EIF4G3: variants seen among roughly 807,000 people sequenced by gnomAD.
EIF4G3 encodes the protein eIF-4-gamma 3.
A neutral mutation model predicts 186.4 loss-of-function variants in EIF4G3; 34 were observed. That is an observed-to-expected ratio of 0.18 (90% CI 0.14 to 0.24). EIF4G3 has a LOEUF of 0.24. Ranked by LOEUF, EIF4G3 falls within the 10% of genes least tolerant of loss-of-function variation. The pLI, the probability that EIF4G3 is intolerant of heterozygous loss-of-function variation, is 1.00. For missense variants in EIF4G3, 1,536 were observed against 1,948.5 expected, an observed-to-expected ratio of 0.79 and a Z score of 3.99; for synonymous variants, 673 against 679.5, an observed-to-expected ratio of 0.99 and a Z score of 0.15.
chr1:20,869,062 T>C (rs754275307), intron 20 of EIF4G3, among the ~76,000 whole-genome samples: 3 of 152,136 alleles, frequency 2.0e-5, no homozygotes, highest in African/African-American at 7.2e-5. Flanking sequence ...GTAGTAATTA[T>C]GGTAATCAAA....
intron 4 of EIF4G3, among the ~76,000 whole-genome samples, chr1:21,009,902 C>T (rs997799137): frequency 6.6e-6 from 1 of 152,080 alleles, no homozygotes; most frequent in Non-Finnish European, 1.5e-5. Flanking sequence ...ATCTGCCCGC[C>T]TCGGCCTCCC....
At chr1:20,955,902 T>C (rs1036470309) in intron 12 of EIF4G3, among the ~76,000 whole-genome samples, 1 of 152,158 alleles carries the variant, frequency 6.6e-6, no homozygotes, top group Non-Finnish European at 1.5e-5. Context: ...TTTGAGGTTG[T>C]AGGGCTTGTG....
chr1:20,906,340 T>C (rs2092083377), intron 14 of EIF4G3, among the ~76,000 whole-genome samples: 1 of 152,194 alleles, frequency 6.6e-6, no homozygotes, highest in East Asian at 1.9e-4. Flanking sequence ...GTTTAATGCA[T>C]TTCCTCCAAA....
intron 26 of EIF4G3, 75 bp downstream of exon 26, chr1:20,854,903 A>G: frequency 8.1e-7 from 1 of 1,227,830 alleles, no homozygotes; most frequent in Non-Finnish European, 1.2e-6. Flanking sequence ...CCATCATTCG[A>G]TGACTATGGG....
intron 20 of EIF4G3, among the ~76,000 whole-genome samples, chr1:20,875,212 A>G (rs1428459621): frequency 1.3e-5 from 2 of 152,112 alleles, no homozygotes; most frequent in African/African-American, 4.8e-5. Context: ...TCAAACTCCT[A>G]GGCTCAAGCG....
At position 21,002,033 on chromosome 1, in the gene EIF4G3, G is replaced by A. The variant is rs1277659470; in HGVS notation, c.30+680C>T. On this transcript the variant is annotated intron_variant, in intron 5 of 36. Transcript: ENST00000602326. ...CTTCTAGCCAAAGCTAATCATGCAG[G>A]GCAGGAAACGATGTTCTAAGGAATG... Among the ~76,000 whole-genome samples, 6 of 152,282 alleles carry A rather than the reference G, an allele frequency of 3.9e-5. No homozygotes were observed. In the Middle Eastern group the frequency reaches 0.01, roughly 259 times the overall value.
rs1228394170 is a variant in EIF4G3 at position 21,063,710 on chromosome 1, G to T, written c.-195-12716C>A. 7.2e-4 allele frequency among the ~76,000 whole-genome samples: 27 copies of T among 37,406 alleles called. 2 individuals carry two copies. Among genetic ancestry groups the T allele is most frequent in the Admixed American group, 4.8e-3 (20 of 4,134 alleles). 24.5% of individuals were successfully genotyped at this position (37,406 alleles called of 152,430 possible). On this transcript the variant is annotated intron_variant, in intron 3 of 36. Transcript: ENST00000602326. ...TCCTGTCATACTTTTCATTTTGGGG[G>T]GGGGGGTGTTGGGGGGGGGGACGCA...
chr1:20,927,082 T>C (rs1322830146), intron 14 of EIF4G3, among the ~76,000 whole-genome samples: 1 of 151,628 alleles, frequency 6.6e-6, no homozygotes, highest in Non-Finnish European at 1.5e-5. Flanking sequence ...GTCTCACTGT[T>C]GCCCAGGCTG....
intron 4 of EIF4G3, among the ~76,000 whole-genome samples, chr1:21,023,754 G>A (rs1291437496): frequency 6.8e-6 from 1 of 147,016 alleles, no homozygotes; most frequent in Non-Finnish European, 1.5e-5. Context: ...CTGCCTGGCT[G>A]CCCAGTCTGG....
intron 19 of EIF4G3, among the ~76,000 whole-genome samples, chr1:20,881,354 T>C (rs1413447654): frequency 6.6e-6 from 1 of 152,216 alleles, no homozygotes; most frequent in African/African-American, 2.4e-5. Context: ...CAAAGCTAAA[T>C]GTGAAACCTA....
intron 2 of EIF4G3, among the ~76,000 whole-genome samples, chr1:21,163,524 A>G (rs2097798326): frequency 6.6e-6 from 1 of 152,220 alleles, no homozygotes; most frequent in Non-Finnish European, 1.5e-5. Context: ...GGAGACATGC[A>G]TAATAATTTA....
chr1:21,158,169 C>CTTTTTTT (rs71014163), intron 2 of EIF4G3, among the ~76,000 whole-genome samples: 7 of 99,514 alleles, frequency 7.0e-5, no homozygotes, highest in African/African-American at 2.2e-4. Flanking sequence ...AAATACATAG[C>CTTTTTTT]TTTTTTTTTT....
At chr1:20,978,561 A>C (rs976039509) in intron 10 of EIF4G3, among the ~76,000 whole-genome samples, 1 of 152,122 alleles carries the variant, frequency 6.6e-6, no homozygotes, top group African/African-American at 2.4e-5. Context: ...TAGCATGATA[A>C]AATCTTGCAC....
intron 19 of EIF4G3, 66 bp from the exon 20 acceptor site, chr1:20,879,586 G>T (rs1273204100): frequency 4.0e-6 from 4 of 996,886 alleles, no homozygotes; most frequent in Non-Finnish European, 4.1e-6. Context: ...TTTCTGTAAT[G>T]ATTAATTTTA....
chr1:21,028,125 A>C (rs2154571616), intron 4 of EIF4G3, among the ~76,000 whole-genome samples: 2 of 152,342 alleles, frequency 1.3e-5, no homozygotes, highest in Non-Finnish European at 2.9e-5. Context: ...GCCAGGGTGC[A>C]AAGGGAGGGG....
intron 14 of EIF4G3, among the ~76,000 whole-genome samples, chr1:20,930,864 AT>A (rs138450337): frequency 8.7e-5 from 13 of 150,182 alleles, no homozygotes; most frequent in East Asian, 3.9e-4. Context: ...ATGAATTACA[AT>A]TTTTTTTTTA....
intron 19 of EIF4G3, among the ~76,000 whole-genome samples, chr1:20,882,214 C>CACACACACAA (rs903651739): frequency 6.6e-5 from 4 of 60,206 alleles, no homozygotes; most frequent in East Asian, 6.9e-4. Flanking sequence ...CACACACACA[C>CACACACACAA]AAAATCATTT....
chr1:21,073,656 C>G, intron 3 of EIF4G3: 1 of 520,692 alleles, frequency 1.9e-6, no homozygotes, highest in Non-Finnish European at 3.8e-6. Flanking sequence ...CGGTGCTTTC[C>G]CAACCTTCTT....
intron 19 of EIF4G3, among the ~76,000 whole-genome samples, chr1:20,880,174 T>C (rs1051111505): frequency 2.0e-5 from 3 of 152,148 alleles, no homozygotes; most frequent in African/African-American, 7.2e-5. Flanking sequence ...TTCAGTATCA[T>C]ACCAGAGGTC....
Sources: gnomAD v4.1 joint callset for allele counts (sites outside exome capture counted in the v4.1 genomes callset) on GRCh38, gnomAD v4.1.1 for gene constraint, MANE v1.5 for transcripts, NCBI Gene and HGNC (gene_info 2026-07-23, HGNC 2026-07-21) for gene names.